Variants in FAM222B observed in about 807,000 individuals in gnomAD.
FAM222B encodes protein FAM222B.
In FAM222B, 12 loss-of-function variants were observed where a neutral mutation model predicts 38.0. That is an observed-to-expected ratio of 0.32 (90% CI 0.20 to 0.51). The LOEUF (loss-of-function observed/expected upper bound fraction) is 0.51. Ranked by LOEUF, FAM222B falls within the 20% of genes least tolerant of loss-of-function variation. The pLI is 0.97. For synonymous variants in FAM222B, 329 were observed against 317.2 expected (o/e 1.04, Z -0.40); for missense variants, 716 against 754.2 (o/e 0.95, Z 0.59).
At chr17:28,764,280 A>C (rs1311086304) in intron 2 of FAM222B, among the ~76,000 whole-genome samples, 2 of 150,062 alleles carry the variant, frequency 1.3e-5, no homozygotes, top group Non-Finnish European at 3.0e-5. Flanking sequence ...TCAAAAAAAA[A>C]AAAAAAAAAA....
chr17:28,767,681 G>A (rs958235198), intron 1 of FAM222B, among the ~76,000 whole-genome samples: 3 of 151,850 alleles, frequency 2.0e-5, no homozygotes, highest in Non-Finnish European at 4.4e-5. Context: ...TCACCATGTT[G>A]GTCAGGCTGG....
chr17:28,768,474 T>C (rs1461477588), intron 1 of FAM222B, among the ~76,000 whole-genome samples: 2 of 152,082 alleles, frequency 1.3e-5, no homozygotes, highest in Non-Finnish European at 2.9e-5. Context: ...AGCGTCAGTC[T>C]TTTTAAGATC....
chr17:28,845,331 G>T (rs2039137820), upstream of FAM222B, among the ~76,000 whole-genome samples: 2 of 151,004 alleles, frequency 1.3e-5, no homozygotes, highest in Admixed American at 6.6e-5. Flanking sequence ...AAGCCCGGAG[G>T]CAGAGCTTGC....
Position 28,758,861 on chromosome 17 carries a change from G to A in FAM222B, c.1098C>T (p.Asn366=), listed in dbSNP as rs932558506. The A allele has an allele frequency of 1.2e-6, 2 of 1,606,182 alleles. No individual in the cohort carries two copies. Among genetic ancestry groups the A allele is most frequent in the East Asian group, 2.2e-5 (1 of 44,612 alleles). The stretch of plus-strand genomic sequence containing the variant: ...GCTGTAGGTGGGCCAGCTGGTGCTG[G>A]TTCCAGGTGACTGGCTTGAGGTCGC... ...YPSDLKPVTW[N]QHQLAHLQQM... Residue 366 remains asparagine (N), a synonymous_variant, in exon 3 of 3, where the codon AAC becomes AAT. Coordinates refer to ENST00000581407, the MANE Select transcript of FAM222B (RefSeq NM_001077498.3).
At chr17:28,835,612 GGTTA>G (rs1567903600) in intron 1 of FAM222B, among the ~76,000 whole-genome samples, 1 of 152,064 alleles carries the variant, frequency 6.6e-6, no homozygotes, top group African/African-American at 2.4e-5. Context: ...CTAGTTTCAG[GGTTA>G]GTTCCCAGAA....
At chr17:28,791,218 T>A (rs924979236) in intron 1 of FAM222B, among the ~76,000 whole-genome samples, 1 of 151,846 alleles carries the variant, frequency 6.6e-6, no homozygotes, top group African/African-American at 2.4e-5. Flanking sequence ...CAAATTTTTT[T>A]ATTTTAAAAA....
intron 1 of FAM222B, among the ~76,000 whole-genome samples, chr17:28,797,663 T>C (rs1274765104): frequency 6.6e-6 from 1 of 152,168 alleles, no homozygotes; most frequent in Non-Finnish European, 1.5e-5. Flanking sequence ...GTAGGGAGTT[T>C]TACAATTTTC....
At chr17:28,842,339 T>G (rs780962050) in intron 1 of FAM222B, among the ~76,000 whole-genome samples, 1 of 152,036 alleles carries the variant, frequency 6.6e-6, no homozygotes, top group South Asian at 2.1e-4. Flanking sequence ...GGTGGCTTCT[T>G]AAGCTCCAGC....
At chr17:28,761,220 CAA>C in intron 2 of FAM222B, among the ~76,000 whole-genome samples, 1 of 152,306 alleles carries the variant, frequency 6.6e-6, no homozygotes, top group South Asian at 2.1e-4. Context: ...GGCTTCCAGT[CAA>C]AAAGGAAAAG....
In FAM222B at chr17:28,813,027, G is replaced by A. The variant is rs1209169928; in HGVS notation, c.-41+29655C>T. ...CCCGTGACGCAGAAATTAAGCGGGG[G>A]GGGGGGGGGGGGGGAGGGGGGGGCG... is the stretch of plus-strand genomic sequence containing the variant. On this transcript the variant is annotated intron_variant, in intron 1 of 2. Coordinates refer to ENST00000581407, the MANE Select transcript of FAM222B (RefSeq NM_001077498.3). Among the ~76,000 whole-genome samples the A allele has an allele frequency of 2.1e-4, 14 of 65,740 alleles. 3 individuals carry two copies. The highest frequency in any genetic ancestry group is 4.6e-4 in the Admixed American group (3 of 6,552). The allele number at this position is 65,740 out of a possible 152,430, so 43.1% of individuals were successfully genotyped here. A position where few individuals can be genotyped will look rare whatever the true frequency, so the allele number is the denominator to read the frequency against.
intron 1 of FAM222B, among the ~76,000 whole-genome samples, chr17:28,771,986 G>A (rs2035655591): frequency 6.6e-6 from 1 of 152,168 alleles, no homozygotes. Flanking sequence ...GAACCCGGGA[G>A]GCGGAGCTTG....
intron 1 of FAM222B, among the ~76,000 whole-genome samples, chr17:28,819,697 C>T (rs564886923): frequency 5.3e-5 from 8 of 152,176 alleles, no homozygotes; most frequent in African/African-American, 1.7e-4. Flanking sequence ...TGAACCTTTG[C>T]CTATGAATGT....
At chr17:28,829,581 CTTTTGAG>C (rs2038585450) in intron 1 of FAM222B, among the ~76,000 whole-genome samples, 1 of 152,124 alleles carries the variant, frequency 6.6e-6, no homozygotes, top group South Asian at 2.1e-4. Context: ...AGACCATAGC[CTTTTGAG>C]TTTTGTTTCT....
At chr17:28,760,652 T>G (rs1597839084) in intron 2 of FAM222B, among the ~76,000 whole-genome samples, 1 of 151,234 alleles carries the variant, frequency 6.6e-6, no homozygotes, top group African/African-American at 2.4e-5. Flanking sequence ...TGGGGGTAGG[T>G]TCTAAGCAAA....
chr17:28,851,298 C>A (rs1012997333), intron 1 of FAM222B, among the ~76,000 whole-genome samples: 1 of 151,480 alleles, frequency 6.6e-6, no homozygotes, highest in Non-Finnish European at 1.5e-5. Context: ...TTTGGGAGGC[C>A]GAGGTGGGTG....
chr17:28,770,468 T>A (rs1162531659), intron 1 of FAM222B, among the ~76,000 whole-genome samples: 5 of 152,174 alleles, frequency 3.3e-5, no homozygotes, highest in Non-Finnish European at 7.3e-5. Context: ...AGCAGTGCCA[T>A]CTTGGCTCAC....
chr17:28,802,500 G>A, intron 1 of FAM222B: 1 of 154,426 alleles, frequency 6.5e-6, no homozygotes, highest in Admixed American at 6.5e-5. Flanking sequence ...CCATCAACCA[G>A]GTGGTAACCC....
intron 1 of FAM222B, among the ~76,000 whole-genome samples, chr17:28,830,885 A>G (rs1001041404): frequency 2.0e-5 from 3 of 151,782 alleles, no homozygotes; most frequent in Admixed American, 6.6e-5. Flanking sequence ...ATAATTTTAC[A>G]AATTACATTT....
chr17:28,854,642 T>A (rs1413328287), intron 1 of FAM222B, among the ~76,000 whole-genome samples: 1 of 152,070 alleles, frequency 6.6e-6, no homozygotes, highest in Non-Finnish European at 1.5e-5. Context: ...AACAAAACCC[T>A]TACGGGGACA....
Sources: allele counts gnomAD v4.1 joint callset (sites outside exome capture counted in the v4.1 genomes callset), GRCh38; gene constraint gnomAD v4.1.1; transcripts MANE v1.5; gene names NCBI Gene and HGNC (gene_info 2026-07-23, HGNC 2026-07-21).